Variants in LGSN observed in about 807,000 individuals in gnomAD.
LGSN encodes lengsin.
A neutral mutation model predicts 19.5 loss-of-function variants in LGSN; 21 were observed. The observed-to-expected ratio is 1.07, with a 90% confidence interval of 0.76 to 1.55. The LOEUF (loss-of-function observed/expected upper bound fraction) is 1.55, where lower values mean the gene tolerates loss of function less well. LGSN is among the 40% of genes most tolerant of loss of function. The pLI is 0.00. For missense variants in LGSN, 673 were observed against 608.5 expected (o/e 1.11, Z -1.12); for synonymous variants, 257 against 215.6 (o/e 1.19, Z -1.68).
chr6:63,457,092 A>G, the LGSN span, among the ~76,000 whole-genome samples: 2 of 152,200 alleles, frequency 1.3e-5, no homozygotes, highest in Admixed American at 1.3e-4. Context: ...TTTAGAGACC[A>G]TTGATATTTT....
the LGSN span, among the ~76,000 whole-genome samples, chr6:63,519,302 T>G: frequency 2.2e-4 from 34 of 151,680 alleles, no homozygotes; most frequent in East Asian, 6.6e-3. Flanking sequence ...GGCGAAACTC[T>G]GTCTCAAAAA....
At chr6:63,478,983 A>G in the LGSN span, among the ~76,000 whole-genome samples, 1 of 152,240 alleles carries the variant, frequency 6.6e-6, no homozygotes, top group Non-Finnish European at 1.5e-5. Context: ...CAGACAAGAG[A>G]GAACATGTCT....
the LGSN span, among the ~76,000 whole-genome samples, chr6:63,556,989 C>G: frequency 7.2e-5 from 11 of 152,134 alleles, no homozygotes; most frequent in Non-Finnish European, 1.3e-4. Context: ...GCGCAGTCAT[C>G]CAAACATCCT....
the LGSN span, among the ~76,000 whole-genome samples, chr6:63,533,589 C>T: frequency 9.2e-5 from 14 of 152,084 alleles, no homozygotes. Context: ...AGCTATTTAA[C>T]TTTTGCAGCA....
At chr6:63,324,536 A>T (rs1041019131), upstream of LGSN, among the ~76,000 whole-genome samples, 1 of 152,184 alleles carries the variant, frequency 6.6e-6, no homozygotes, top group Non-Finnish European at 1.5e-5. Context: ...GTCTAAACAA[A>T]CTTTTAAAAA....
the LGSN span, among the ~76,000 whole-genome samples, chr6:63,436,464 C>T: frequency 6.6e-6 from 1 of 152,178 alleles, no homozygotes; most frequent in Non-Finnish European, 1.5e-5. Context: ...ACCTCAAAAT[C>T]AACTGTTTTC....
At chr6:63,377,469 A>T in the LGSN span, among the ~76,000 whole-genome samples, 1 of 152,174 alleles carries the variant, frequency 6.6e-6, no homozygotes, top group Non-Finnish European at 1.5e-5. Context: ...TCCTTCAAAG[A>T]AGTGCAAGGA....
the LGSN span, among the ~76,000 whole-genome samples, chr6:63,477,632 T>G: frequency 6.9e-6 from 1 of 145,452 alleles, no homozygotes; most frequent in Non-Finnish European, 1.5e-5. Flanking sequence ...GATCCAGTTT[T>G]GGTTTTCATC....
chr6:63,367,948 G>T, the LGSN span, among the ~76,000 whole-genome samples: 1 of 151,710 alleles, frequency 6.6e-6, no homozygotes, highest in Non-Finnish European at 1.5e-5. Context: ...TCGTGGGGTG[G>T]GGGAAGGGGG....
the LGSN span, among the ~76,000 whole-genome samples, chr6:63,445,212 G>C: frequency 2.0e-5 from 3 of 152,166 alleles, no homozygotes; most frequent in Non-Finnish European, 4.4e-5. Context: ...TCAGGAGGCT[G>C]AGGCAGGAGA....
At chr6:63,402,847 A>G in the LGSN span, among the ~76,000 whole-genome samples, 1 of 151,964 alleles carries the variant, frequency 6.6e-6, no homozygotes. Flanking sequence ...AAAGCAGATT[A>G]CCCTCCATAA....
At chr6:63,375,740 A>T in the LGSN span, among the ~76,000 whole-genome samples, 1 of 152,264 alleles carries the variant, frequency 6.6e-6, no homozygotes, top group South Asian at 2.1e-4. Context: ...CTGAGTTTGG[A>T]AATGAGATAA....
the LGSN span, among the ~76,000 whole-genome samples, chr6:63,461,857 C>A: frequency 5.0e-4 from 76 of 152,302 alleles, 1 homozygote; most frequent in African/African-American, 1.7e-3. Context: ...CATGCCCAGA[C>A]CTTTTTGAAT....
chr6:63,336,561 G>GTGTGTGTGTA, the LGSN span, among the ~76,000 whole-genome samples: 4 of 127,578 alleles, frequency 3.1e-5, no homozygotes, highest in African/African-American at 1.2e-4. Flanking sequence ...GTGTGTGTGT[G>GTGTGTGTGTA]TATATATATA....
At chr6:63,339,580 A>T in the LGSN span, among the ~76,000 whole-genome samples, 1 of 151,988 alleles carries the variant, frequency 6.6e-6, no homozygotes, top group African/African-American at 2.4e-5. Context: ...AGGCGAAGTG[A>T]GTTTCTTGTA....
chr6:63,363,951 A>G, the LGSN span, among the ~76,000 whole-genome samples: 1 of 150,540 alleles, frequency 6.6e-6, no homozygotes, highest in African/African-American at 2.5e-5. Flanking sequence ...AAAGGGAAAA[A>G]CTGGTACCAG....
the LGSN span, among the ~76,000 whole-genome samples, chr6:63,360,828 G>A: frequency 6.6e-6 from 1 of 152,108 alleles, no homozygotes; most frequent in Non-Finnish European, 1.5e-5. Flanking sequence ...GTACAGATGG[G>A]GTTTTGGTGT....
the LGSN span, among the ~76,000 whole-genome samples, chr6:63,348,782 G>T: frequency 1.3e-5 from 2 of 150,110 alleles, no homozygotes; most frequent in South Asian, 2.1e-4. Flanking sequence ...ATAGAGGTGG[G>T]GTCTTGCTGT....
At chr6:63,327,315 C>G in the LGSN span, among the ~76,000 whole-genome samples, 2 of 152,200 alleles carry the variant, frequency 1.3e-5, no homozygotes, top group Admixed American at 6.5e-5. Flanking sequence ...AGGTAAGTAA[C>G]AGCAAGATGG....
Sources: gnomAD v4.1 joint callset for allele counts (sites outside exome capture counted in the v4.1 genomes callset) on GRCh38, gnomAD v4.1.1 for gene constraint, MANE v1.5 for transcripts, NCBI Gene and HGNC (gene_info 2026-07-23, HGNC 2026-07-21) for gene names.